CADPS: variants seen among roughly 807,000 people sequenced by gnomAD.
CADPS encodes calcium dependent secretion activator.
Under a neutral mutation model 167.3 loss-of-function variants are expected in CADPS, and 57 were observed. The ratio of observed to expected loss-of-function variants is 0.34; its 90% CI spans 0.28 to 0.42. CADPS has a LOEUF of 0.42. Among genes scored for constraint, CADPS ranks in the 20% least tolerant of loss-of-function variants. The pLI is 1.00. For missense variants in CADPS, 1,414 were observed against 1,738.1 expected (o/e 0.81, Z 3.32); for synonymous variants, 676 against 635.3 (o/e 1.06, Z -0.96).
intron 28 of CADPS, among the ~76,000 whole-genome samples, chr3:62,432,094 T>G (rs1219790175): frequency 1.3e-5 from 2 of 152,106 alleles, no homozygotes; most frequent in African/African-American, 4.8e-5. Flanking sequence ...TCTGATTTAT[T>G]TGGCAATGCA....
chr3:62,819,641 G>A (rs952800851), intron 1 of CADPS, among the ~76,000 whole-genome samples: 2 of 152,148 alleles, frequency 1.3e-5, no homozygotes, highest in East Asian at 1.9e-4. Flanking sequence ...TGTGATTAAC[G>A]ATGGGGTTCT....
At chr3:62,531,283 C>G (rs1460350295) in intron 13 of CADPS, among the ~76,000 whole-genome samples, 1 of 152,014 alleles carries the variant, frequency 6.6e-6, no homozygotes, top group Non-Finnish European at 1.5e-5. Flanking sequence ...AGATAGTCAT[C>G]AAAGTGTACA....
intron 6 of CADPS, among the ~76,000 whole-genome samples, chr3:62,621,146 G>C (rs1562989442): frequency 6.6e-6 from 1 of 152,156 alleles, no homozygotes. Context: ...CAAATCTCTG[G>C]ATATGGGGGC....
chr3:62,837,841 T>C lies in CADPS; in HGVS notation c.441+36748A>G, dbSNP rs573106030. ...TTCTTCTGTAAAAATGAAGGAAAAT[T>C]GTAACTATAAGACATAATGCATGCA... is the stretch of plus-strand genomic sequence containing the variant. On this transcript the variant is annotated intron_variant, in intron 1 of 29. Coordinates refer to ENST00000383710, the MANE Select transcript of CADPS (RefSeq NM_003716.4). 2.0e-5 allele frequency among the ~76,000 whole-genome samples: 3 copies of C among 152,294 alleles called. No individual in the cohort carries two copies. In the East Asian group the frequency reaches 5.8e-4, roughly 29 times the overall value.
At chr3:62,843,902 C>T (rs1477127086) in intron 1 of CADPS, among the ~76,000 whole-genome samples, 1 of 151,828 alleles carries the variant, frequency 6.6e-6, no homozygotes, top group Non-Finnish European at 1.5e-5. Context: ...AAAAGACTAC[C>T]AGGGCTTAAA....
chr3:62,828,670 T>TA (rs948417336), intron 1 of CADPS, among the ~76,000 whole-genome samples: 2 of 152,058 alleles, frequency 1.3e-5, no homozygotes, highest in African/African-American at 4.8e-5. Flanking sequence ...CATACTTATT[T>TA]AAAAAAAGCA....
intron 2 of CADPS, among the ~76,000 whole-genome samples, chr3:62,757,839 G>A (rs1165502215): frequency 1.3e-5 from 2 of 152,212 alleles, no homozygotes; most frequent in Non-Finnish European, 2.9e-5. Context: ...GCAAAGGCAC[G>A]TCTTATGTGG....
At chr3:62,834,068 T>C (rs1031678133) in intron 1 of CADPS, among the ~76,000 whole-genome samples, 1 of 152,146 alleles carries the variant, frequency 6.6e-6, no homozygotes, top group African/African-American at 2.4e-5. Flanking sequence ...CTGTCATGGG[T>C]CTTTGTAAGA....
chr3:62,447,321 G>C (rs1311452098), intron 26 of CADPS, among the ~76,000 whole-genome samples: 1 of 152,162 alleles, frequency 6.6e-6, no homozygotes, highest in African/African-American at 2.4e-5. Flanking sequence ...ATTATCGAGA[G>C]GGCAATGCAT....
At chr3:62,411,533 C>T (rs1213434763) in intron 28 of CADPS, among the ~76,000 whole-genome samples, 1 of 152,196 alleles carries the variant, frequency 6.6e-6, no homozygotes, top group Non-Finnish European at 1.5e-5. Context: ...ATGCGTATTT[C>T]TTCCTTACAA....
chr3:62,527,584 C>A (rs1233828026), intron 13 of CADPS, among the ~76,000 whole-genome samples: 9 of 152,152 alleles, frequency 5.9e-5, no homozygotes, highest in Non-Finnish European at 1.3e-4. Flanking sequence ...TGTGTCTACA[C>A]TTGACTACAG....
At position 62,412,408 on chromosome 3, in the gene CADPS, G is replaced by C. The variant is rs934617668; in HGVS notation, c.3778-9223C>G. On this transcript the variant is annotated intron_variant, in intron 28 of 29. Transcript: ENST00000383710. The surrounding 1 kb of genome is among the most constrained non-coding windows in gnomAD (Gnocchi z 4.1). ...CTTTAGCCTTTTCTCATTAGGAAGAGATAATGCAAAAGACATAATAATTTA... is the reference window on the plus strand; with the variant it reads ...CTTTAGCCTTTTCTCATTAGGAAGACATAATGCAAAAGACATAATAATTTA... Among the ~76,000 whole-genome samples, 1 of 152,072 alleles carries C rather than the reference G, an allele frequency of 6.6e-6. No individual in the cohort carries two copies. Among genetic ancestry groups the C allele is most frequent in the Non-Finnish European group, 1.5e-5 (1 of 68,020 alleles).
intron 4 of CADPS, among the ~76,000 whole-genome samples, chr3:62,654,319 A>G (rs1347789604): frequency 6.6e-6 from 1 of 152,182 alleles, no homozygotes; most frequent in African/African-American, 2.4e-5. Context: ...ATAACAGAAC[A>G]TCAAGGTAGG....
intron 3 of CADPS, among the ~76,000 whole-genome samples, chr3:62,746,606 G>A (rs2081507904): frequency 6.6e-6 from 1 of 152,092 alleles, no homozygotes; most frequent in Non-Finnish European, 1.5e-5. Context: ...CCAAAGTGTT[G>A]GGATTTCAGA....
At chr3:62,580,337 C>CA (rs1433158474) in intron 8 of CADPS, among the ~76,000 whole-genome samples, 11 of 151,586 alleles carry the variant, frequency 7.3e-5, no homozygotes, top group Admixed American at 1.3e-4. Flanking sequence ...ATCGCAAGGA[C>CA]AAAAAACCAA....
At chr3:62,629,555 A>G (rs1467691349) in intron 6 of CADPS, among the ~76,000 whole-genome samples, 2 of 152,234 alleles carry the variant, frequency 1.3e-5, no homozygotes, top group Non-Finnish European at 2.9e-5. Flanking sequence ...TTACAAAGCT[A>G]TTAAGTACCC....
At chr3:62,545,786 A>T (rs1346526447) in intron 11 of CADPS, among the ~76,000 whole-genome samples, 1 of 152,162 alleles carries the variant, frequency 6.6e-6, no homozygotes, top group Non-Finnish European at 1.5e-5. Flanking sequence ...AAACTATAAA[A>T]ATGGTCCATT....
At chr3:62,559,641 T>C (rs899267158) in intron 9 of CADPS, among the ~76,000 whole-genome samples, 1 of 152,088 alleles carries the variant, frequency 6.6e-6, no homozygotes, top group Non-Finnish European at 1.5e-5. Flanking sequence ...ATTACAGGCA[T>C]GCGCCACCAT....
At chr3:62,587,532 G>T (rs866536691) in intron 7 of CADPS, among the ~76,000 whole-genome samples, 5 of 152,284 alleles carry the variant, frequency 3.3e-5, no homozygotes, top group Middle Eastern at 3.4e-3. Flanking sequence ...GGGAGGTGCT[G>T]GTAAGAGACA....
Sources: gnomAD v4.1 joint callset for allele counts (sites outside exome capture counted in the v4.1 genomes callset) on GRCh38, gnomAD v4.1.1 for gene constraint, Gnocchi (gnomAD v3.1) non-coding constraint, MANE v1.5 for transcripts, NCBI Gene and HGNC (gene_info 2026-07-23, HGNC 2026-07-21) for gene names.